The following DUSP5 variants were observed in gnomAD, a reference collection of about 807,000 sequenced individuals.
DUSP5 encodes dual specificity protein phosphatase 5.
In DUSP5, 22 loss-of-function variants were observed where a neutral mutation model predicts 33.6. The observed-to-expected ratio is 0.66, with a 90% CI of 0.47 to 0.94. The LOEUF (loss-of-function observed/expected upper bound fraction) is 0.94, where lower values mean the gene tolerates loss of function less well. DUSP5 is among the 40% of genes least tolerant of loss of function. The probability of loss-of-function intolerance (pLI) is 0.00; values close to 1 mark genes in which losing one functional copy is unlikely to be tolerated. For missense variants in DUSP5, 551 were observed against 522.1 expected (o/e 1.06, Z -0.54); for synonymous variants, 270 against 231.1 (o/e 1.17, Z -1.53).
intron 1 of DUSP5, among the ~76,000 whole-genome samples, chr10:110,501,088 G>C (rs1189352847): frequency 6.6e-6 from 1 of 152,186 alleles, no homozygotes; most frequent in Non-Finnish European, 1.5e-5. Context: ...ATCCTTGTTT[G>C]TCTCCTGGAA....
intron 1 of DUSP5, among the ~76,000 whole-genome samples, chr10:110,498,989 C>T (rs777083749): frequency 1.3e-5 from 2 of 152,174 alleles, no homozygotes; most frequent in Non-Finnish European, 2.9e-5. Flanking sequence ...GCCTTTTTGA[C>T]CTGGCGAGTC....
chr10:110,509,278 G>C (rs1310302918), intron 3 of DUSP5, among the ~76,000 whole-genome samples: 1 of 152,198 alleles, frequency 6.6e-6, no homozygotes, highest in East Asian at 1.9e-4. Flanking sequence ...GCTAACTGAT[G>C]GTGGTAGCTT....
chr10:110,505,242 C>G (rs547972175), intron 2 of DUSP5, among the ~76,000 whole-genome samples: 27 of 152,380 alleles, frequency 1.8e-4, no homozygotes, highest in African/African-American at 6.5e-4. Context: ...TTCAGCCCAG[C>G]TCTACCACTG....
At chr10:110,506,211 C>T (rs1860116758) in intron 2 of DUSP5, among the ~76,000 whole-genome samples, 1 of 152,088 alleles carries the variant, frequency 6.6e-6, no homozygotes, top group Non-Finnish European at 1.5e-5. Context: ...AGGAAGATCG[C>T]TTGAGGCCAG....
intron 3 of DUSP5, among the ~76,000 whole-genome samples, chr10:110,508,813 C>CACCCCTTT (rs1860151033): frequency 6.6e-6 from 1 of 152,200 alleles, no homozygotes; most frequent in South Asian, 2.1e-4. Context: ...TTGAGTCAGA[C>CACCCCTTT]TGAATTGGAG....
intron 1 of DUSP5, among the ~76,000 whole-genome samples, chr10:110,500,783 C>T (rs1860037685): frequency 6.6e-6 from 1 of 152,230 alleles, no homozygotes; most frequent in South Asian, 2.1e-4. Flanking sequence ...TGTTCTGTCT[C>T]TCCACACCTC....
At chr10:110,502,696 C>T in intron 1 of DUSP5, 25 bp from the exon 2 acceptor site, 5 of 1,609,320 alleles carry the variant, frequency 3.1e-6, no homozygotes, top group Non-Finnish European at 4.2e-6. Flanking sequence ...TACCATCTGT[C>T]TCACCTTTTT....
At chr10:110,508,486 C>T (rs1860146722) in intron 3 of DUSP5, among the ~76,000 whole-genome samples, 1 of 152,178 alleles carries the variant, frequency 6.6e-6, no homozygotes. Context: ...GCACAGGATG[C>T]TTTTTCTCCG....
chr10:110,502,891 A>G (rs190662808), intron 2 of DUSP5, 22 bp downstream of exon 2: 20 of 1,613,896 alleles, frequency 1.2e-5, no homozygotes, highest in Admixed American at 1.7e-5. Context: ...GATGGGGAAG[A>G]GGTATCCTGA....
chr10:110,507,177 A>C, intron 3 of DUSP5, 23 bp downstream of exon 3: 1 of 1,604,594 alleles, frequency 6.2e-7, no homozygotes, highest in Non-Finnish European at 8.5e-7. Context: ...ATTCCCCTTC[A>C]GTTATTTTGG....
chr10:110,504,884 C>T (rs1180309713), intron 2 of DUSP5, among the ~76,000 whole-genome samples: 1 of 152,136 alleles, frequency 6.6e-6, no homozygotes, highest in Non-Finnish European at 1.5e-5. Flanking sequence ...AGGTATTATC[C>T]CCAGTTTAGA....
Position 110,510,500 on chromosome 10 carries a change from T to C in DUSP5, c.*74T>C. ...GTTTTTAAGACTCATGGACATTTCA[T>C]ACCTGTGCAATACTGAAGACCTCAT... On this transcript the variant is annotated 3_prime_UTR_variant, in exon 4 of 4. Transcript: ENST00000369583. 2.8e-6 allele frequency: 4 copies of C among 1,450,358 alleles called. No homozygotes were observed. The highest frequency in any genetic ancestry group is 3.7e-6 in the Non-Finnish European group (4 of 1,095,848). The allele number at this position is 1,450,358 out of a possible 1,614,324, so 89.8% of individuals were successfully genotyped here. A position where few individuals can be genotyped will look rare whatever the true frequency, so the allele number is the denominator to read the frequency against.
rs191238050 is a variant in DUSP5, at chr10:110,510,513, C to T, written c.*87C>T. ...ATGGACATTTCATACCTGTGCAATA[C>T]TGAAGACCTCATTCTGTCATGCTGC... is the stretch of plus-strand genomic sequence containing the variant. On this transcript the variant is annotated 3_prime_UTR_variant, in exon 4 of 4. Coordinates refer to ENST00000369583, the MANE Select transcript of DUSP5 (RefSeq NM_004419.4). 200 of 1,412,306 alleles carry T rather than the reference C, an allele frequency of 1.4e-4. No homozygotes were observed. In the African/African-American group the frequency reaches 2.7e-3, roughly 19 times the overall value. 87.5% of individuals were successfully genotyped at this position (1,412,306 alleles called of 1,614,324 possible).
Position 110,502,799 on chromosome 10 carries a change from G to C in DUSP5, c.458G>C (p.Ser153Thr). Reference sequence around the variant, plus strand: ...CCCATTTCACAAGAGAAGATTGAGAGTGAGAGAGCCCTCATCAGCCAGTGT... The same window carrying C: ...CCCATTTCACAAGAGAAGATTGAGACTGAGAGAGCCCTCATCAGCCAGTGT... ...VKPISQEKIE[S>T]ERALISQCGK... Residue 153 changes from serine to threonine, a missense_variant, in exon 2 of 4, where the codon AGT becomes ACT. Ser to Thr is a moderately conservative substitution (Grantham distance 58). Around this residue, in one of 3 missense-constraint regions of DUSP5, gnomAD observed 381 missense variants for 310.4 expected, o/e 1.23. Coordinates refer to ENST00000369583, the MANE Select transcript of DUSP5 (RefSeq NM_004419.4). 1 of 1,614,198 alleles carries C rather than the reference G, an allele frequency of 6.2e-7. No homozygotes were observed. Among genetic ancestry groups the C allele is most frequent in the Non-Finnish European group, 8.5e-7 (1 of 1,180,038 alleles).
intron 2 of DUSP5, among the ~76,000 whole-genome samples, chr10:110,504,130 T>C (rs1205496666): frequency 2.0e-5 from 3 of 152,230 alleles, no homozygotes; most frequent in Non-Finnish European, 2.9e-5. Flanking sequence ...TACTTTTGTT[T>C]GTTTGTTTGG....
In DUSP5 at chr10:110,510,308, G is replaced by C. The variant is rs755166385; in HGVS notation, c.1037G>C (p.Ser346Thr). The change falls in exon 4 of 4, where the codon AGC becomes ACC. Residue 346 changes from serine (S) to threonine (T), a missense_variant. Ser to Thr is a moderately conservative substitution (Grantham distance 58). Around this residue, in one of 3 missense-constraint regions of DUSP5, gnomAD observed 158 missense variants for 181.8 expected, o/e 0.87. Coordinates refer to ENST00000369583, the MANE Select transcript of DUSP5 (RefSeq NM_004419.4). ...CTGATAGGCCATTTGCAGACACTGA[G>C]CCCTGACATGCAGGGTGCCTACTGC... is the stretch of plus-strand genomic sequence containing the variant. The part of the protein sequence containing the change: ...SSLIGHLQTL[S>T]PDMQGAYCTF... 2 of 1,614,200 alleles carry C rather than the reference G, an allele frequency of 1.2e-6. No homozygotes were observed.
At chr10:110,509,936 T>C in intron 3 of DUSP5, 84 bp from the exon 4 acceptor site, 1 of 1,498,104 alleles carries the variant, frequency 6.7e-7, no homozygotes, top group South Asian at 1.3e-5. Flanking sequence ...ATATCTAGGT[T>C]ACTCCAGTGT....
chr10:110,505,203 C>G (rs540760119), intron 2 of DUSP5, among the ~76,000 whole-genome samples: 10 of 152,222 alleles, frequency 6.6e-5, no homozygotes, highest in Non-Finnish European at 1.5e-4. Context: ...CAAGGCCTTG[C>G]ATCTCATGCT....
At chr10:110,498,530 C>G in intron 1 of DUSP5, 30 bp downstream of exon 1, 9 of 1,428,198 alleles carry the variant, frequency 6.3e-6, no homozygotes, top group Non-Finnish European at 8.2e-6. Flanking sequence ...GCCACGCTCG[C>G]CCCTCCGGCG....
Sources: allele counts gnomAD v4.1 joint callset (sites outside exome capture counted in the v4.1 genomes callset), GRCh38; gene constraint gnomAD v4.1.1; regional missense constraint gnomAD v4.1.1; transcripts MANE v1.5; gene names NCBI Gene and HGNC (gene_info 2026-07-23, HGNC 2026-07-21).